The following PTPRT variants were observed in gnomAD, a reference collection of about 807,000 sequenced individuals.
The protein encoded by PTPRT is receptor-type tyrosine-protein phosphatase T.
Under a neutral mutation model 176.8 loss-of-function variants are expected in PTPRT, and 56 were observed. The ratio of observed to expected loss-of-function variants is 0.32; its 90% confidence interval spans 0.26 to 0.40. PTPRT has a LOEUF of 0.40. PTPRT is among the 10% of genes least tolerant of loss of function. PTPRT has a pLI of 1.00. For synonymous variants in PTPRT, 783 were observed against 739.0 expected, an observed-to-expected ratio of 1.06 and a Z score of -0.96; for missense variants, 1,540 against 1,908.2, an observed-to-expected ratio of 0.81 and a Z score of 3.60.
intron 1 of PTPRT, among the ~76,000 whole-genome samples, chr20:43,163,872 T>G (rs937618775): frequency 6.6e-6 from 1 of 152,216 alleles, no homozygotes; most frequent in Non-Finnish European, 1.5e-5. Flanking sequence ...CAACCTCTCC[T>G]TTACGAAATG....
intron 1 of PTPRT, among the ~76,000 whole-genome samples, chr20:43,010,681 C>G (rs768168495): frequency 3.3e-5 from 5 of 151,222 alleles, no homozygotes. Context: ...TTTTAAAATA[C>G]CTTGCATCAG....
intron 1 of PTPRT, among the ~76,000 whole-genome samples, chr20:43,003,249 G>A (rs1235930081): frequency 6.6e-6 from 1 of 152,192 alleles, no homozygotes; most frequent in African/African-American, 2.4e-5. Context: ...GTGCAGTGGT[G>A]CAATCATAGC....
At chr20:42,403,452 A>G (rs1467807492) in intron 9 of PTPRT, among the ~76,000 whole-genome samples, 2 of 152,204 alleles carry the variant, frequency 1.3e-5, no homozygotes, top group African/African-American at 2.4e-5. Flanking sequence ...AAGTGCATCA[A>G]ATAGTTACTA....
intron 1 of PTPRT, among the ~76,000 whole-genome samples, chr20:43,048,896 C>T (rs930718498): frequency 3.3e-5 from 5 of 152,150 alleles, no homozygotes; most frequent in African/African-American, 7.2e-5. Flanking sequence ...GACACCTGCT[C>T]GCCTCTGCCC....
intron 7 of PTPRT, among the ~76,000 whole-genome samples, chr20:42,485,618 T>C (rs1053401721): frequency 6.6e-6 from 1 of 152,148 alleles, no homozygotes; most frequent in Non-Finnish European, 1.5e-5. Flanking sequence ...GCTGGAGAAT[T>C]TGGCTTTTCA....
chr20:42,302,236 G>A (rs1052503280), intron 12 of PTPRT, among the ~76,000 whole-genome samples: 1 of 152,060 alleles, frequency 6.6e-6, no homozygotes, highest in Non-Finnish European at 1.5e-5. Context: ...TGAGATTATA[G>A]GCAAGACAAT....
chr20:42,346,062 C>T (rs527865469), intron 11 of PTPRT, among the ~76,000 whole-genome samples: 41 of 152,178 alleles, frequency 2.7e-4, no homozygotes, highest in Non-Finnish European at 5.7e-4. Flanking sequence ...GCAGCAAGCA[C>T]TCCAGCAAGC....
intron 1 of PTPRT, among the ~76,000 whole-genome samples, chr20:43,072,349 T>C (rs1468046002): frequency 3.9e-5 from 6 of 152,210 alleles, no homozygotes; most frequent in Non-Finnish European, 8.8e-5. Context: ...TAATAACCCT[T>C]GTAATTTTAT....
At chr20:42,848,136 T>C (rs1296648082) in intron 2 of PTPRT, among the ~76,000 whole-genome samples, 1 of 152,228 alleles carries the variant, frequency 6.6e-6, no homozygotes, top group Non-Finnish European at 1.5e-5. Flanking sequence ...TCCAATTCCA[T>C]CTAGGTCACT....
At chr20:42,709,119 A>G (rs1171684434) in intron 6 of PTPRT, among the ~76,000 whole-genome samples, 2 of 152,212 alleles carry the variant, frequency 1.3e-5, no homozygotes, top group Non-Finnish European at 2.9e-5. Flanking sequence ...TGTGAGTACA[A>G]AGGACCTAAG....
chr20:43,058,753 C>T (rs1335789673), intron 1 of PTPRT, among the ~76,000 whole-genome samples: 2 of 152,322 alleles, frequency 1.3e-5, no homozygotes, highest in Middle Eastern at 3.4e-3. Flanking sequence ...TCAGAAGGTG[C>T]TGCAGTTTTC....
At chr20:42,735,165 T>C (rs1433113166) in intron 6 of PTPRT, among the ~76,000 whole-genome samples, 3 of 152,150 alleles carry the variant, frequency 2.0e-5, no homozygotes, top group African/African-American at 7.2e-5. Flanking sequence ...TAAGGTTGGG[T>C]TGGATGAGAC....
At chr20:42,932,127 A>G (rs1424291963) in intron 1 of PTPRT, among the ~76,000 whole-genome samples, 1 of 152,238 alleles carries the variant, frequency 6.6e-6, no homozygotes, top group Non-Finnish European at 1.5e-5. Flanking sequence ...GGTGACTATG[A>G]GAACACAGGG....
At chr20:42,961,717 T>A (rs1031444175) in intron 1 of PTPRT, among the ~76,000 whole-genome samples, 1 of 152,102 alleles carries the variant, frequency 6.6e-6, no homozygotes, top group Non-Finnish European at 1.5e-5. Flanking sequence ...TAAAAATAAG[T>A]GTCCACATTC....
intron 5 of PTPRT, among the ~76,000 whole-genome samples, chr20:42,759,768 G>T (rs1481203855): frequency 6.6e-6 from 1 of 152,126 alleles, no homozygotes. Context: ...TCCTTCTGTG[G>T]CAAGATTTTC....
At chr20:42,588,106 T>C (rs2073503532) in intron 7 of PTPRT, among the ~76,000 whole-genome samples, 1 of 152,160 alleles carries the variant, frequency 6.6e-6, no homozygotes, top group African/African-American at 2.4e-5. Flanking sequence ...TGCTGTCCTA[T>C]ACTGTGGCCA....
At chr20:42,181,825 A>C (rs566089532) in intron 16 of PTPRT, among the ~76,000 whole-genome samples, 11 of 152,312 alleles carry the variant, frequency 7.2e-5, no homozygotes, top group Admixed American at 6.5e-4. Flanking sequence ...TAGCCAAAAA[A>C]TTATTAAATG....
chr20:42,420,400 C>T (rs574835479), intron 9 of PTPRT, among the ~76,000 whole-genome samples: 2 of 152,230 alleles, frequency 1.3e-5, no homozygotes, highest in African/African-American at 2.4e-5. Flanking sequence ...CTCAACCCCA[C>T]ACAAATGCTT....
intron 15 of PTPRT, among the ~76,000 whole-genome samples, chr20:42,205,619 G>A (rs557557536): frequency 2.0e-5 from 3 of 152,264 alleles, no homozygotes; most frequent in South Asian, 4.2e-4. Context: ...GGGGGCAGGA[G>A]TCTACAGGGT....
Sources: gnomAD v4.1 joint callset for allele counts (sites outside exome capture counted in the v4.1 genomes callset) on GRCh38, gnomAD v4.1.1 for gene constraint, MANE v1.5 for transcripts, NCBI Gene and HGNC (gene_info 2026-07-23, HGNC 2026-07-21) for gene names.